The following LINGO2 variants were observed in gnomAD, a reference collection of about 807,000 sequenced individuals.
LINGO2 encodes the protein leucine-rich repeat and immunoglobulin-like domain-containing nogo receptor-interacting protein 2.
Under a neutral mutation model 30.6 loss-of-function variants are expected in LINGO2, and 14 were observed. That is an observed-to-expected ratio of 0.46 (90% CI 0.30 to 0.72). The LOEUF is 0.72. LINGO2 is among the 30% of genes least tolerant of loss of function. The pLI is 0.07. For missense variants in LINGO2, 729 were observed against 751.7 expected (o/e 0.97, Z 0.35); for synonymous variants, 317 against 288.5 (o/e 1.10, Z -1.00).
chr9:28,514,096 C>T (rs959199104), intron 1 of LINGO2, among the ~76,000 whole-genome samples: 2 of 152,118 alleles, frequency 1.3e-5, no homozygotes, highest in African/African-American at 4.8e-5. Context: ...TTTTGAAATG[C>T]TAGAAATTAT....
chr9:29,009,032 C>G, the LINGO2 span, among the ~76,000 whole-genome samples: 2 of 152,104 alleles, frequency 1.3e-5, no homozygotes. Context: ...TGGGACATAT[C>G]TCAAAATAAT....
At chr9:28,641,806 G>A (rs1215216164) in intron 1 of LINGO2, among the ~76,000 whole-genome samples, 1 of 152,182 alleles carries the variant, frequency 6.6e-6, no homozygotes, top group Non-Finnish European at 1.5e-5. Context: ...TGGCAGTGGA[G>A]AGAAGGAAAG....
chr9:28,475,545 G>A (rs1305128162), intron 2 of LINGO2, among the ~76,000 whole-genome samples: 1 of 152,170 alleles, frequency 6.6e-6, no homozygotes, highest in Non-Finnish European at 1.5e-5. Flanking sequence ...TACTTGGTAT[G>A]TGAAAAGTAT....
At chr9:28,082,479 T>G (rs1208088624) in intron 4 of LINGO2, among the ~76,000 whole-genome samples, 1 of 152,196 alleles carries the variant, frequency 6.6e-6, no homozygotes, top group Non-Finnish European at 1.5e-5. Context: ...TTTTTCATTT[T>G]TACAAAGCTG....
intron 5 of LINGO2, among the ~76,000 whole-genome samples, chr9:27,981,579 AAG>A (rs1820878121): frequency 6.8e-6 from 1 of 147,978 alleles, no homozygotes; most frequent in African/African-American, 2.5e-5. Context: ...AGAAAAAAAA[AAG>A]AAAAAAAATT....
rs537095059 is a variant in LINGO2 at position 28,565,226 on chromosome 9, C to T, written c.-364-89201G>A. ...GGAATATATATAAGTCTCACTCTGTCGCCCAGGCTGGAGTGCAGTGGCGCC... is the reference window on the plus strand; with the variant it reads ...GGAATATATATAAGTCTCACTCTGTTGCCCAGGCTGGAGTGCAGTGGCGCC... On this transcript the variant is annotated intron_variant, in intron 1 of 5. Transcript: ENST00000379992. Among the ~76,000 whole-genome samples, 286 of 152,230 alleles carry T rather than the reference C, an allele frequency of 1.9e-3. 1 individual carries two copies. Among genetic ancestry groups the T allele is most frequent in the African/African-American group, 6.4e-3 (268 of 41,584 alleles).
chr9:28,888,921 CA>C, the LINGO2 span: 1 of 533,572 alleles, frequency 1.9e-6, no homozygotes, highest in Non-Finnish European at 3.9e-6. Context: ...TGTTCATTTT[CA>C]ATAGGAGACT....
At chr9:28,839,082 G>A in the LINGO2 span, among the ~76,000 whole-genome samples, 3 of 152,208 alleles carry the variant, frequency 2.0e-5, no homozygotes, top group South Asian at 4.1e-4. Context: ...CCCAAAGAGG[G>A]TGTCACAGTC....
chr9:29,069,537 G>T, the LINGO2 span, among the ~76,000 whole-genome samples: 1 of 151,980 alleles, frequency 6.6e-6, no homozygotes, highest in South Asian at 2.1e-4. Context: ...AAGATTGCAT[G>T]CAGAGTTCCA....
intron 4 of LINGO2, among the ~76,000 whole-genome samples, chr9:28,229,558 T>C (rs1033869817): frequency 6.6e-6 from 1 of 151,666 alleles, no homozygotes; most frequent in Non-Finnish European, 1.5e-5. Flanking sequence ...AGAAGGCAAA[T>C]AGTTAACACA....
At chr9:28,469,129 CAT>C (rs1825423528) in intron 2 of LINGO2, among the ~76,000 whole-genome samples, 1 of 151,862 alleles carries the variant, frequency 6.6e-6, no homozygotes, top group South Asian at 2.1e-4. Context: ...AAGAACCAAA[CAT>C]AAATTATGGA....
At chr9:28,143,931 T>C (rs2133509859) in intron 4 of LINGO2, among the ~76,000 whole-genome samples, 1 of 152,304 alleles carries the variant, frequency 6.6e-6, no homozygotes, top group African/African-American at 2.4e-5. Context: ...ACTTTTGTTG[T>C]GACTTCTTGC....
At chr9:28,132,087 A>G (rs1827393539) in intron 4 of LINGO2, among the ~76,000 whole-genome samples, 2 of 152,190 alleles carry the variant, frequency 1.3e-5, no homozygotes, top group Non-Finnish European at 2.9e-5. Flanking sequence ...TTGTGCCAAA[A>G]AGTTCAAAGC....
intron 3 of LINGO2, among the ~76,000 whole-genome samples, chr9:28,313,334 C>T (rs1824706066): frequency 6.6e-6 from 1 of 152,076 alleles, no homozygotes; most frequent in Admixed American, 6.5e-5. Context: ...TTCTTAGGTG[C>T]AATTTGGGAA....
intron 4 of LINGO2, among the ~76,000 whole-genome samples, chr9:28,150,632 C>A (rs1214744576): frequency 6.6e-6 from 1 of 152,216 alleles, no homozygotes; most frequent in African/African-American, 2.4e-5. Flanking sequence ...ACAGGAGGAA[C>A]AAGAGGTTCT....
chr9:28,645,744 A>G (rs1463159624), intron 1 of LINGO2, among the ~76,000 whole-genome samples: 1 of 152,130 alleles, frequency 6.6e-6, no homozygotes, highest in Non-Finnish European at 1.5e-5. Flanking sequence ...CTATCTACTG[A>G]AAATGATATC....
chr9:28,757,725 T>A, the LINGO2 span, among the ~76,000 whole-genome samples: 1 of 151,964 alleles, frequency 6.6e-6, no homozygotes, highest in African/African-American at 2.4e-5. Flanking sequence ...GACCTCTAAC[T>A]TCCCCTGGAG....
chr9:28,721,434 A>G, the LINGO2 span, among the ~76,000 whole-genome samples: 1 of 152,198 alleles, frequency 6.6e-6, no homozygotes, highest in African/African-American at 2.4e-5. Flanking sequence ...GATAGACTGG[A>G]TAAAGAAAAT....
the LINGO2 span, among the ~76,000 whole-genome samples, chr9:29,145,234 G>A: frequency 6.6e-6 from 1 of 152,216 alleles, no homozygotes; most frequent in Middle Eastern, 3.4e-3. Flanking sequence ...CGTTTTGATT[G>A]TTCTGGGCAC....
Sources: gnomAD v4.1 joint callset for allele counts (sites outside exome capture counted in the v4.1 genomes callset) on GRCh38, gnomAD v4.1.1 for gene constraint, MANE v1.5 for transcripts, NCBI Gene and HGNC (gene_info 2026-07-23, HGNC 2026-07-21) for gene names.